Variants in KCNH1 observed in about 807,000 individuals in gnomAD.
KCNH1 encodes the protein potassium voltage-gated channel subfamily H member 1.
Under a neutral mutation model 69.2 loss-of-function variants are expected in KCNH1, and 27 were observed. The observed-to-expected ratio is 0.39, with a 90% CI of 0.29 to 0.54. The LOEUF (loss-of-function observed/expected upper bound fraction) is 0.54. KCNH1 is among the 20% of genes least tolerant of loss of function. The pLI, the probability that KCNH1 is intolerant of heterozygous loss-of-function variation, is 0.68. For missense variants in KCNH1, 798 were observed against 1,261.6 expected (o/e 0.63, Z 5.57); for synonymous variants, 456 against 487.7 (o/e 0.93, Z 0.86).
chr1:210,811,428 C>T (rs776704689), intron 7 of KCNH1, among the ~76,000 whole-genome samples: 7 of 152,144 alleles, frequency 4.6e-5, no homozygotes, highest in Non-Finnish European at 7.3e-5. Context: ...GATTTCCCTT[C>T]TGTCACATTA....
chr1:211,002,257 T>TAC lies in KCNH1; in HGVS notation c.1032+16524_1032+16525dup, dbSNP rs112723750. Among the ~76,000 whole-genome samples the TAC allele has an allele frequency of 8.2e-5, 12 of 146,728 alleles. 1 individual carries two copies. Among genetic ancestry groups the TAC allele is most frequent in the Admixed American group, 3.4e-4 (5 of 14,620 alleles). ...AAATATATATGTATACGTATATATA[T>TAC]ACACACACACACATATATATACGTA... On this transcript the variant is annotated intron_variant, in intron 6 of 10. Transcript: ENST00000271751.
At chr1:210,964,005 T>C (rs774733137) in intron 6 of KCNH1, among the ~76,000 whole-genome samples, 1 of 151,996 alleles carries the variant, frequency 6.6e-6, no homozygotes, top group African/African-American at 2.4e-5. Context: ...TTCACCAACG[T>C]TGAAATGAAG....
chr1:210,822,761 T>G (rs973545734), intron 7 of KCNH1, among the ~76,000 whole-genome samples: 1 of 152,140 alleles, frequency 6.6e-6, no homozygotes, highest in African/African-American at 2.4e-5. Flanking sequence ...CTGATCCCCC[T>G]TTCAAGACCC....
Position 211,055,958 on chromosome 1 carries a change from T to A in KCNH1, c.558+26822A>T, listed in dbSNP as rs1315206736. 2.6e-5 allele frequency among the ~76,000 whole-genome samples: 4 copies of A among 152,210 alleles called. No individual in the cohort carries two copies. The East Asian group carries it at 7.7e-4, about 29-fold the overall frequency. On this transcript the variant is annotated intron_variant, in intron 5 of 10. Transcript: ENST00000271751. ...AGGCCTTGGGTAAGAGTCAGAGCCATGCTGGCTTCAGGTGTGACCCAGAAC... is the reference window on the plus strand; with the variant it reads ...AGGCCTTGGGTAAGAGTCAGAGCCAAGCTGGCTTCAGGTGTGACCCAGAAC...
At chr1:210,891,463 A>T (rs1686748361) in intron 7 of KCNH1, among the ~76,000 whole-genome samples, 1 of 152,076 alleles carries the variant, frequency 6.6e-6, no homozygotes, top group African/African-American at 2.4e-5. Context: ...TGGGTGCAGC[A>T]CACGAACATG....
chr1:210,856,976 TA>T (rs1193609967), intron 7 of KCNH1, among the ~76,000 whole-genome samples: 1 of 148,184 alleles, frequency 6.7e-6, no homozygotes, highest in Non-Finnish European at 1.5e-5. Context: ...CTAAACTTTT[TA>T]ATAGCATCAT....
At position 210,883,424 on chromosome 1, in the gene KCNH1, A is replaced by T. The variant is rs180966325; in HGVS notation, c.1462+36216T>A. Among the ~76,000 whole-genome samples the T allele has an allele frequency of 2.6e-5, 4 of 152,326 alleles. No homozygotes were observed. The East Asian group carries it at 7.7e-4, about 29-fold the overall frequency. On this transcript the variant is annotated intron_variant, in intron 7 of 10. Transcript: ENST00000271751. ...TCTATGAACACATTCTTGGCACTAGAACAATAACACAAAGCATGTATCCTA... is the reference window on the plus strand; with the variant it reads ...TCTATGAACACATTCTTGGCACTAGTACAATAACACAAAGCATGTATCCTA...
At chr1:210,894,345 T>C (rs532575596) in intron 7 of KCNH1, among the ~76,000 whole-genome samples, 5 of 152,314 alleles carry the variant, frequency 3.3e-5, no homozygotes, top group Admixed American at 6.5e-5. Context: ...TTCTGACTAC[T>C]CAATCCAATG....
At chr1:210,936,782 G>T (rs1687782508) in intron 6 of KCNH1, among the ~76,000 whole-genome samples, 1 of 152,006 alleles carries the variant, frequency 6.6e-6, no homozygotes, top group Non-Finnish European at 1.5e-5. Context: ...CCTCCTCATT[G>T]CCAATGATCT....
At chr1:210,711,703 A>G (rs1394244748) in intron 10 of KCNH1, among the ~76,000 whole-genome samples, 1 of 152,178 alleles carries the variant, frequency 6.6e-6, no homozygotes, top group East Asian at 1.9e-4. Flanking sequence ...ACACCCCTCA[A>G]GCGCTATGGT....
At position 211,112,509 on chromosome 1, in the gene KCNH1, A is replaced by T. The variant is rs201332920; in HGVS notation, c.80-5132T>A. 2.0e-5 allele frequency among the ~76,000 whole-genome samples: 3 copies of T among 150,404 alleles called. No homozygotes were observed. The East Asian group carries it at 6.1e-4, about 30-fold the overall frequency. ...ACTTTTTATTAAATAAATAAAAAAA[A>T]AAAAAAAAAAAAAACAAGCCCACTA... On this transcript the variant is annotated intron_variant, in intron 1 of 10. Coordinates refer to ENST00000271751, the MANE Select transcript of KCNH1 (RefSeq NM_172362.3).
chr1:210,965,581 T>A (rs916859054), intron 6 of KCNH1, among the ~76,000 whole-genome samples: 3 of 150,896 alleles, frequency 2.0e-5, no homozygotes, highest in African/African-American at 7.3e-5. Context: ...TACTACCAAC[T>A]ATACACCAAT....
Position 210,797,608 on chromosome 1 carries a change from C to T in KCNH1, c.1815G>A (p.Gly605=), listed in dbSNP as rs760359944. 6 of 1,614,206 alleles carry T rather than the reference C, an allele frequency of 3.7e-6. No individual in the cohort carries two copies. The Admixed American group carries it at 5.0e-5, about 13-fold the overall frequency. Residue 605 remains glycine, a synonymous_variant, in exon 9 of 11, where the codon GGG becomes GGA. Transcript: ENST00000271751. ...TCTCTCCTGCATGGTAGATGAGGTC[C>T]CCTGGGGCACAGTGCACCGTCTGGA... ...MEFQTVHCAP[G]DLIYHAGESV... is the part of the protein sequence containing the mutation.
chr1:210,806,158 C>CT (rs1156253267), intron 7 of KCNH1, among the ~76,000 whole-genome samples: 1 of 152,204 alleles, frequency 6.6e-6, no homozygotes, highest in East Asian at 1.9e-4. Context: ...TCCAAAGTAA[C>CT]TGCACCACTT....
At chr1:210,895,328 A>G (rs1389283601) in intron 7 of KCNH1, among the ~76,000 whole-genome samples, 1 of 152,068 alleles carries the variant, frequency 6.6e-6, no homozygotes, top group Non-Finnish European at 1.5e-5. Context: ...ATCTTCACAC[A>G]TGTATGGCAC....
intron 5 of KCNH1, 98 bp downstream of exon 5, chr1:211,082,682 G>T: frequency 1.1e-6 from 1 of 924,092 alleles, no homozygotes; most frequent in Non-Finnish European, 1.7e-6. Context: ...GGGTCCTGAA[G>T]GTCCTCTCCA....
intron 5 of KCNH1, among the ~76,000 whole-genome samples, chr1:211,044,379 A>G (rs1417635621): frequency 6.6e-6 from 1 of 152,212 alleles, no homozygotes; most frequent in Non-Finnish European, 1.5e-5. Context: ...AGAACCAAAA[A>G]GCAAACGCAA....
intron 5 of KCNH1, among the ~76,000 whole-genome samples, chr1:211,036,777 T>C (rs77656500): frequency 0.02 from 3,026 of 152,308 alleles, 79 homozygotes; most frequent in Admixed American, 0.063. Flanking sequence ...GCTTCTATTG[T>C]CTTCCTTTGA....
At chr1:210,807,064 C>T (rs888921904) in intron 7 of KCNH1, among the ~76,000 whole-genome samples, 1 of 149,206 alleles carries the variant, frequency 6.7e-6, no homozygotes, top group Non-Finnish European at 1.5e-5. Context: ...ATTCTGTGTA[C>T]CCTTCACCCA....
Sources: gnomAD v4.1 joint callset for allele counts (sites outside exome capture counted in the v4.1 genomes callset) on GRCh38, gnomAD v4.1.1 for gene constraint, MANE v1.5 for transcripts, NCBI Gene and HGNC (gene_info 2026-07-23, HGNC 2026-07-21) for gene names.